The following ATG4C variants were observed in gnomAD, a reference collection of about 807,000 sequenced individuals.
ATG4C encodes cysteine protease ATG4C.
ATG4C carries 56 observed loss-of-function variants against 57.6 expected under a neutral mutation model. The ratio of observed to expected loss-of-function variants is 0.97; its 90% confidence interval spans 0.78 to 1.21. The LOEUF (loss-of-function observed/expected upper bound fraction) is 1.21, where lower values mean the gene tolerates loss of function less well. Among genes scored for constraint, ATG4C ranks in the 50% most tolerant of loss-of-function variants. The pLI, the probability that ATG4C is intolerant of heterozygous loss-of-function variation, is 0.00. For synonymous variants in ATG4C, 157 were observed against 174.1 expected, an observed-to-expected ratio of 0.90 and a Z score of 0.78; for missense variants, 595 against 529.8, an observed-to-expected ratio of 1.12 and a Z score of -1.21.
At chr1:62,786,045 A>G (rs909520661) in intron 1 of ATG4C, among the ~76,000 whole-genome samples, 8 of 152,216 alleles carry the variant, frequency 5.3e-5, no homozygotes, top group African/African-American at 1.7e-4. Context: ...AGCTCTGCAT[A>G]GATACTTTTA....
In ATG4C at chr1:62,864,021, T is replaced by G. The variant is rs761475650; in HGVS notation, c.1239T>G (p.Tyr413Ter). ...TGAAATTTTCTTCTAAGGAGAAATA[T>G]CCCTTATTTACTTTTGTAAATGGTC... The part of the protein sequence containing the change: ...KMLKFSSKEK[Y>*]PLFTFVNGHS... The change falls in exon 11 of 11, where the codon TAT becomes TAG. Residue 413 changes from tyrosine to a stop codon, truncating the protein, a stop_gained. Coordinates refer to ENST00000317868, the MANE Select transcript of ATG4C (RefSeq NM_032852.4). LOFTEE classifies it high-confidence loss of function. The G allele has an allele frequency of 1.3e-6, 2 of 1,581,000 alleles. No individual in the cohort carries two copies. The highest frequency in any genetic ancestry group is 1.4e-5 in the African/African-American group (1 of 72,926).
chr1:62,801,607 G>C (rs1664664585), intron 1 of ATG4C, among the ~76,000 whole-genome samples: 1 of 151,436 alleles, frequency 6.6e-6, no homozygotes, highest in Admixed American at 6.6e-5. Context: ...GCAGTGAGCC[G>C]AGATGTTGCC....
chr1:62,802,005 C>T (rs963990960), intron 1 of ATG4C, among the ~76,000 whole-genome samples: 3 of 142,234 alleles, frequency 2.1e-5, no homozygotes, highest in African/African-American at 5.2e-5. Context: ...AAAAGAACTA[C>T]TCTCTGCTTG....
chr1:62,816,730 G>C lies in ATG4C; in HGVS notation c.316G>C (p.Asp106His), dbSNP rs866890777. Residue 106 changes from aspartate (D) to histidine (H), a missense_variant, in exon 4 of 11, where the codon GAC (aspartate) becomes CAC (histidine). Asp to His is a moderately conservative substitution (Grantham distance 81). Coordinates refer to ENST00000317868, the MANE Select transcript of ATG4C (RefSeq NM_032852.4). ...AATAGAAGGCTCAGCTTTGACAACA[G>C]ACTGTGGGTGGGGCTGCACATTGAG... ...PQIEGSALTT[D>H]CGWGCTLRTG... is the part of the protein sequence containing the mutation. The C allele has an allele frequency of 2.5e-6, 4 of 1,613,850 alleles. No homozygotes were observed. The highest frequency in any genetic ancestry group is 3.4e-6 in the Non-Finnish European group (4 of 1,179,870).
At chr1:62,856,789 T>C (rs150260300) in intron 10 of ATG4C, among the ~76,000 whole-genome samples, 32 of 152,256 alleles carry the variant, frequency 2.1e-4, no homozygotes, top group African/African-American at 7.0e-4. Flanking sequence ...GTATGAAGGA[T>C]GACTAGATGA....
chr1:62,814,269 C>T (rs575130979), intron 3 of ATG4C, among the ~76,000 whole-genome samples: 1 of 152,074 alleles, frequency 6.6e-6, no homozygotes, highest in Non-Finnish European at 1.5e-5. Context: ...GCAGCCATAA[C>T]AAATGATAAG....
intron 1 of ATG4C, among the ~76,000 whole-genome samples, chr1:62,787,450 A>G (rs1294398634): frequency 6.7e-6 from 1 of 148,588 alleles, no homozygotes; most frequent in Non-Finnish European, 1.5e-5. Context: ...TTCTAACTTC[A>G]TTCATTTGGT....
chr1:62,826,587 CTT>C (rs1010841720), intron 6 of ATG4C, among the ~76,000 whole-genome samples: 1 of 145,534 alleles, frequency 6.9e-6, no homozygotes, highest in Non-Finnish European at 1.5e-5. Flanking sequence ...ACCATCATCT[CTT>C]TTTTTCTTTC....
At position 62,811,051 on chromosome 1, in the gene ATG4C, G is replaced by A. The variant is rs115412167; in HGVS notation, c.161-5524G>A. On this transcript the variant is annotated intron_variant, in intron 3 of 10. Transcript: ENST00000317868. Reference sequence around the variant, plus strand: ...TTTTCTGTGGCATTTATCTGATGGAGAGTTTCGTTCATTTGTTTCAGTTCC... The same window carrying A: ...TTTTCTGTGGCATTTATCTGATGGAAAGTTTCGTTCATTTGTTTCAGTTCC... Among the ~76,000 whole-genome samples the A allele has an allele frequency of 5.0e-3, 754 of 152,240 alleles. 7 individuals carry two copies. The highest frequency in any genetic ancestry group is 0.018 in the African/African-American group (730 of 41,570).
chr1:62,797,106 C>A (rs1444501994), intron 1 of ATG4C, among the ~76,000 whole-genome samples: 1 of 150,754 alleles, frequency 6.6e-6, no homozygotes. Context: ...GACTCTGTCT[C>A]GGGGAAAAAG....
At chr1:62,842,188 T>TA (rs1666190090) in intron 10 of ATG4C, among the ~76,000 whole-genome samples, 1 of 152,020 alleles carries the variant, frequency 6.6e-6, no homozygotes, top group Middle Eastern at 3.4e-3. Flanking sequence ...TTTTAGAAAA[T>TA]AAAAAAAGAC....
intron 10 of ATG4C, among the ~76,000 whole-genome samples, chr1:62,845,290 T>A (rs1463973655): frequency 3.3e-5 from 5 of 152,158 alleles, no homozygotes; most frequent in Non-Finnish European, 5.9e-5. Flanking sequence ...ACCAATCTCG[T>A]GGATATGAAT....
intron 7 of ATG4C, among the ~76,000 whole-genome samples, chr1:62,831,539 G>GTTTA (rs1422694789): frequency 6.6e-6 from 1 of 151,968 alleles, no homozygotes; most frequent in African/African-American, 2.4e-5. Context: ...ACCACAGGAG[G>GTTTA]TTTATTTATG....
At chr1:62,795,081 G>A (rs776116531) in intron 1 of ATG4C, among the ~76,000 whole-genome samples, 11 of 152,202 alleles carry the variant, frequency 7.2e-5, no homozygotes, top group Non-Finnish European at 1.5e-4. Flanking sequence ...TGAGGAAGAT[G>A]CCTGAGCATT....
chr1:62,855,875 T>C (rs1666666104), intron 10 of ATG4C, among the ~76,000 whole-genome samples: 2 of 152,214 alleles, frequency 1.3e-5, no homozygotes, highest in Admixed American at 6.5e-5. Context: ...TATTTATACA[T>C]CAGTCCATGT....
At chr1:62,816,519 T>C (rs893790649) in intron 3 of ATG4C, 56 bp from the exon 4 acceptor site, 1 of 1,200,682 alleles carries the variant, frequency 8.3e-7, no homozygotes, top group Non-Finnish European at 1.2e-6. Context: ...TGATAATGTT[T>C]GTTACCATTA....
At chr1:62,861,755 C>A (rs1007969937) in intron 10 of ATG4C, among the ~76,000 whole-genome samples, 123 of 152,058 alleles carry the variant, frequency 8.1e-4, no homozygotes, top group African/African-American at 2.7e-3. Flanking sequence ...AATTTTATAG[C>A]TTTATATCTT....
intron 10 of ATG4C, among the ~76,000 whole-genome samples, chr1:62,846,022 A>G (rs1414414099): frequency 6.6e-6 from 1 of 152,162 alleles, no homozygotes; most frequent in East Asian, 1.9e-4. Flanking sequence ...GAGCTCACAG[A>G]CAAGTCTGTT....
At chr1:62,786,334 A>G (rs1389260349) in intron 1 of ATG4C, among the ~76,000 whole-genome samples, 1 of 152,232 alleles carries the variant, frequency 6.6e-6, no homozygotes, top group African/African-American at 2.4e-5. Flanking sequence ...CTTATACTCT[A>G]GCAGAATGTA....
Sources: allele counts gnomAD v4.1 joint callset (sites outside exome capture counted in the v4.1 genomes callset), GRCh38; gene constraint gnomAD v4.1.1; transcripts MANE v1.5; gene names NCBI Gene and HGNC (gene_info 2026-07-23, HGNC 2026-07-21).